The following PDE7B variants were observed in gnomAD, a reference collection of about 807,000 sequenced individuals.
PDE7B encodes 3',5'-cyclic-AMP phosphodiesterase 7B.
In PDE7B, 29 loss-of-function variants were observed where a neutral mutation model predicts 56.2. The observed-to-expected ratio is 0.52, with a 90% CI of 0.38 to 0.70. The LOEUF (loss-of-function observed/expected upper bound fraction) is 0.70. Ranked by LOEUF, PDE7B falls within the 30% of genes least tolerant of loss-of-function variation. PDE7B has a pLI of 0.00. For missense variants in PDE7B, 490 were observed against 565.0 expected (o/e 0.87, Z 1.35); for synonymous variants, 197 against 196.9 (o/e 1.00, Z 0.00).
At chr6:135,996,342 G>A (rs533294757) in intron 2 of PDE7B, among the ~76,000 whole-genome samples, 3 of 152,232 alleles carry the variant, frequency 2.0e-5, no homozygotes, top group Non-Finnish European at 4.4e-5. Context: ...TCACAAATAT[G>A]TTTGAGCTAA....
chr6:135,983,907 A>G (rs902307127), intron 2 of PDE7B, among the ~76,000 whole-genome samples: 8 of 152,260 alleles, frequency 5.3e-5, no homozygotes, highest in Non-Finnish European at 1.0e-4. Context: ...TTCATTTCCC[A>G]TATGTGTGTG....
chr6:136,122,663 T>A (rs1777957022), intron 3 of PDE7B, among the ~76,000 whole-genome samples: 1 of 152,260 alleles, frequency 6.6e-6, no homozygotes, highest in Non-Finnish European at 1.5e-5. Context: ...TGGTATCTAT[T>A]GAAAGTGTTC....
chr6:136,144,285 ACT>A (rs1252707351), intron 3 of PDE7B, among the ~76,000 whole-genome samples: 1 of 151,888 alleles, frequency 6.6e-6, no homozygotes, highest in Non-Finnish European at 1.5e-5. Flanking sequence ...ATACTCATAT[ACT>A]CTTTCTCTAT....
chr6:135,967,434 C>A (rs758871777), intron 2 of PDE7B, among the ~76,000 whole-genome samples: 1 of 152,116 alleles, frequency 6.6e-6, no homozygotes, highest in Non-Finnish European at 1.5e-5. Context: ...TTGAGTGAAC[C>A]ACATTTTTCT....
At chr6:136,160,891 A>G (rs1432851132) in intron 8 of PDE7B, among the ~76,000 whole-genome samples, 2 of 152,212 alleles carry the variant, frequency 1.3e-5, no homozygotes, top group African/African-American at 2.4e-5. Context: ...AGTATAGAAG[A>G]TGAACAAAAC....
At chr6:135,959,261 C>T (rs1774855724) in intron 2 of PDE7B, among the ~76,000 whole-genome samples, 1 of 152,088 alleles carries the variant, frequency 6.6e-6, no homozygotes, top group Non-Finnish European at 1.5e-5. Flanking sequence ...GCACCATCCT[C>T]ATTTTTTCAA....
At chr6:136,075,199 A>C (rs186291710) in intron 2 of PDE7B, among the ~76,000 whole-genome samples, 19 of 152,322 alleles carry the variant, frequency 1.2e-4, no homozygotes, top group African/African-American at 4.3e-4. Context: ...TATTTCAGAC[A>C]ATTGTAGACT....
chr6:136,172,694 C>T (rs9494461), intron 8 of PDE7B, among the ~76,000 whole-genome samples: 13,111 of 151,826 alleles, frequency 0.086, 1,752 homozygotes, highest in African/African-American at 0.28. Context: ...GTGTTTTAGA[C>T]ATGAAGTCCT....
At chr6:136,146,938 TC>T (rs1490088066) in intron 3 of PDE7B, among the ~76,000 whole-genome samples, 1 of 152,124 alleles carries the variant, frequency 6.6e-6, no homozygotes, top group Non-Finnish European at 1.5e-5. Context: ...TTTGGGAGGC[TC>T]AAGACGAGCC....
At chr6:136,083,531 C>T (rs1284361960) in intron 2 of PDE7B, among the ~76,000 whole-genome samples, 2 of 152,166 alleles carry the variant, frequency 1.3e-5, no homozygotes, top group Non-Finnish European at 2.9e-5. Context: ...ATGTCTGTAG[C>T]TTTTCTCTTT....
chr6:136,148,791 G>T (rs899851978), intron 4 of PDE7B, among the ~76,000 whole-genome samples: 17 of 152,140 alleles, frequency 1.1e-4, no homozygotes, highest in Non-Finnish European at 2.1e-4. Flanking sequence ...GCTATCACAG[G>T]CCAAGTCCTA....
chr6:136,085,027 G>C (rs958354504), intron 2 of PDE7B, among the ~76,000 whole-genome samples: 1 of 152,160 alleles, frequency 6.6e-6, no homozygotes, highest in African/African-American at 2.4e-5. Flanking sequence ...GGCCCCTGGG[G>C]CATCTGCCAC....
chr6:135,863,722 C>T (rs1477482079), intron 1 of PDE7B, among the ~76,000 whole-genome samples: 34 of 146,772 alleles, frequency 2.3e-4, no homozygotes, highest in Middle Eastern at 3.4e-3. Context: ...CTTCAATTCT[C>T]CTTGGGCTGA....
intron 2 of PDE7B, chr6:136,094,318 T>G (rs142410302): frequency 1.3e-5 from 2 of 152,602 alleles, no homozygotes; most frequent in East Asian, 3.9e-4. Context: ...TTCTTCACAC[T>G]TGTTAACTCC....
At chr6:136,137,414 C>A (rs185483212) in intron 3 of PDE7B, among the ~76,000 whole-genome samples, 30 of 152,152 alleles carry the variant, frequency 2.0e-4, no homozygotes, top group African/African-American at 6.7e-4. Context: ...TGGACTGATG[C>A]TCGAAAGTGC....
chr6:136,126,558 C>T (rs1778025982), intron 3 of PDE7B, among the ~76,000 whole-genome samples: 1 of 152,124 alleles, frequency 6.6e-6, no homozygotes, highest in South Asian at 2.1e-4. Flanking sequence ...AACCCAAATG[C>T]CCATCAATTG....
intron 2 of PDE7B, chr6:136,033,886 A>ATGTGTG (rs59428056): frequency 1.3e-5 from 2 of 150,614 alleles, no homozygotes; most frequent in African/African-American, 2.4e-5. Flanking sequence ...GTGTGTGTGC[A>ATGTGTG]TGTGTGTGTG....
chr6:136,176,193 T>C (rs1331442922), intron 9 of PDE7B, among the ~76,000 whole-genome samples: 2 of 152,094 alleles, frequency 1.3e-5, no homozygotes, highest in Non-Finnish European at 1.5e-5. Context: ...ATTTGTTATA[T>C]GTGGTAAATA....
intron 2 of PDE7B, among the ~76,000 whole-genome samples, chr6:135,978,214 T>C (rs2128203876): frequency 6.6e-6 from 1 of 152,316 alleles, no homozygotes; most frequent in South Asian, 2.1e-4. Flanking sequence ...CTCTGCTGAA[T>C]ACTGTAGGCA....
Sources: allele counts gnomAD v4.1 joint callset (sites outside exome capture counted in the v4.1 genomes callset), GRCh38; gene constraint gnomAD v4.1.1; transcripts MANE v1.5; gene names NCBI Gene and HGNC (gene_info 2026-07-23, HGNC 2026-07-21).